SLC22A9: variants seen among roughly 807,000 people sequenced by gnomAD.
SLC22A9 encodes the protein solute carrier family 22 member 9.
A neutral mutation model predicts 50.1 loss-of-function variants in SLC22A9; 64 were observed. The ratio of observed to expected loss-of-function variants is 1.28; its 90% CI spans 1.04 to 1.57. The LOEUF (loss-of-function observed/expected upper bound fraction) is 1.57. Ranked by LOEUF, SLC22A9 falls within the 40% of genes most tolerant of loss-of-function variation. The pLI is 0.00. For missense variants in SLC22A9, 757 were observed against 676.1 expected (o/e 1.12, Z -1.33); for synonymous variants, 261 against 242.5 (o/e 1.08, Z -0.71).
chr11:63,381,835 A>G (rs2014567342), intron 5 of SLC22A9, among the ~76,000 whole-genome samples: 1 of 152,142 alleles, frequency 6.6e-6, no homozygotes, highest in Non-Finnish European at 1.5e-5. Flanking sequence ...CTATAATCCA[A>G]TATGGCCTTC....
At chr11:63,393,658 C>G (rs746933249) in intron 6 of SLC22A9, among the ~76,000 whole-genome samples, 1 of 152,010 alleles carries the variant, frequency 6.6e-6, no homozygotes, top group Non-Finnish European at 1.5e-5. Flanking sequence ...TTGTCAAGTG[C>G]TTTTCCTGCT....
chr11:63,408,808 CT>C lies in SLC22A9; in HGVS notation c.1533del (p.Phe511LeufsTer40). On this transcript the variant is annotated frameshift_variant, in exon 9 of 10. Transcript: ENST00000279178. LOFTEE classifies it high-confidence loss of function. ...IYGVFPFISG[F>X]AFLLLPETRN... ...ATGGAGTCTTCCCCTTCATCTCTGG[CT>C]TTGCTTTCCTCCTCCTTCCTGAAAC... 6.2e-7 allele frequency: 1 copy of C among 1,613,996 alleles called. No homozygotes were observed. The highest frequency in any genetic ancestry group is 8.5e-7 in the Non-Finnish European group (1 of 1,179,930).
intron 1 of SLC22A9, 81 bp from the exon 2 acceptor site, chr11:63,371,054 T>G: frequency 9.9e-7 from 1 of 1,006,476 alleles, no homozygotes; most frequent in Non-Finnish European, 1.5e-6. Context: ...ATTAGGAAAC[T>G]TGCAGATCAT....
chr11:63,395,595 A>T (rs557038355), intron 6 of SLC22A9, among the ~76,000 whole-genome samples: 1 of 152,142 alleles, frequency 6.6e-6, no homozygotes, highest in Non-Finnish European at 1.5e-5. Context: ...GGCCATGGAT[A>T]CCAGCACCTG....
At chr11:63,375,187 AAT>A (rs1360027616) in intron 4 of SLC22A9, among the ~76,000 whole-genome samples, 3 of 152,294 alleles carry the variant, frequency 2.0e-5, no homozygotes, top group Admixed American at 6.5e-5. Context: ...GTAACTTGTT[AAT>A]ATGTCCAGTT....
intron 7 of SLC22A9, 147 bp downstream of exon 7, chr11:63,406,858 T>C: frequency 2.2e-6 from 2 of 926,696 alleles, no homozygotes; most frequent in East Asian, 2.7e-5. Flanking sequence ...TTGGGACAGA[T>C]TCTGCCACAA....
chr11:63,370,590 T>TGAAAGAA, intron 1 of SLC22A9, 132 bp downstream of exon 1: 2 of 1,075,268 alleles, frequency 1.9e-6, no homozygotes, highest in Non-Finnish European at 2.6e-6. Flanking sequence ...TACTAATTGC[T>TGAAAGAA]TCTTTATTAA....
At chr11:63,383,630 C>T (rs531198264) in intron 6 of SLC22A9, among the ~76,000 whole-genome samples, 1 of 152,072 alleles carries the variant, frequency 6.6e-6, no homozygotes, top group South Asian at 2.1e-4. Flanking sequence ...CATGAAGAAA[C>T]AGAGAAACAT....
chr11:63,372,184 A>C, intron 2 of SLC22A9, among the ~76,000 whole-genome samples: 1 of 152,174 alleles, frequency 6.6e-6, no homozygotes. Context: ...GCTAAAGACG[A>C]AGGGACAAGA....
At chr11:63,386,163 CTT>C (rs1423736085) in intron 6 of SLC22A9, among the ~76,000 whole-genome samples, 11 of 152,042 alleles carry the variant, frequency 7.2e-5, no homozygotes, top group Non-Finnish European at 1.5e-5. Context: ...GGTTAATAAG[CTT>C]TTTTGTGTGC....
At chr11:63,398,880 G>A (rs2014906439) in intron 6 of SLC22A9, among the ~76,000 whole-genome samples, 1 of 152,252 alleles carries the variant, frequency 6.6e-6, no homozygotes, top group Non-Finnish European at 1.5e-5. Flanking sequence ...GATGACCTTA[G>A]AGGCTTCTAC....
chr11:63,408,677 G>A lies in SLC22A9; in HGVS notation c.1399G>A (p.Ala467Thr), dbSNP rs1169686948. 4 of 1,608,168 alleles carry A rather than the reference G, an allele frequency of 2.5e-6. No individual in the cohort carries two copies. The highest frequency in any genetic ancestry group is 1.1e-5 in the South Asian group (1 of 91,000). Residue 467 changes from alanine (A) to threonine (T), a missense_variant and splice_region_variant, in exon 9 of 10, where the codon GCA (alanine) becomes ACA (threonine). Coordinates refer to ENST00000279178, the MANE Select transcript of SLC22A9 (RefSeq NM_080866.3). ...TTGTATTGCTGTTTCCACTCAAAGG[G>A]CAAGAGCTATGGGGATCAATGCAAC... The part of the protein sequence containing the change: ...GNEVIPTIIR[A>T]RAMGINATFA...
intron 6 of SLC22A9, among the ~76,000 whole-genome samples, chr11:63,398,806 T>C (rs1388150654): frequency 2.6e-5 from 4 of 152,216 alleles, no homozygotes; most frequent in Non-Finnish European, 1.5e-5. Flanking sequence ...CACTTTATTT[T>C]TGGCTCTTAT....
Position 63,370,219 on chromosome 11 carries a change from G to A in SLC22A9, c.163G>A (p.Asp55Asn), listed in dbSNP as rs1462717440. 2 of 1,613,898 alleles carry A rather than the reference G, an allele frequency of 1.2e-6. No homozygotes were observed. The highest frequency in any genetic ancestry group is 1.3e-5 in the African/African-American group (1 of 74,898). ...PGHRCWVHIL[D>N]NDTVSDNDTG... is the part of the protein sequence containing the mutation. The stretch of plus-strand genomic sequence containing the variant: ...CCATCGCTGCTGGGTCCACATCCTG[G>A]ACAATGACACTGTCTCTGACAATGA... Residue 55 changes from aspartate (D) to asparagine (N), a missense_variant, in exon 1 of 10, where the codon GAC becomes AAC. Coordinates refer to ENST00000279178, the MANE Select transcript of SLC22A9 (RefSeq NM_080866.3).
intron 7 of SLC22A9, among the ~76,000 whole-genome samples, chr11:63,407,582 G>A (rs1409209837): frequency 6.6e-6 from 1 of 151,992 alleles, no homozygotes; most frequent in Non-Finnish European, 1.5e-5. Context: ...TCCTCTTTTC[G>A]AGGTCCTTAT....
At chr11:63,400,657 C>A (rs2014937175) in intron 6 of SLC22A9, among the ~76,000 whole-genome samples, 1 of 152,086 alleles carries the variant, frequency 6.6e-6, no homozygotes, top group Non-Finnish European at 1.5e-5. Flanking sequence ...CTTCCAAACT[C>A]ATTTCACAAG....
chr11:63,408,284 T>C, intron 8 of SLC22A9, 64 bp downstream of exon 8: 4 of 1,302,324 alleles, frequency 3.1e-6, no homozygotes, highest in Non-Finnish European at 4.4e-6. Context: ...ATTGACACTT[T>C]TTGCGGGAAG....
chr11:63,398,278 C>T (rs896141479), intron 6 of SLC22A9, among the ~76,000 whole-genome samples: 1 of 152,096 alleles, frequency 6.6e-6, no homozygotes, highest in African/African-American at 2.4e-5. Context: ...ATTCTTCCCT[C>T]TCCTCTCCTC....
chr11:63,405,421 A>G (rs976514796), intron 6 of SLC22A9, among the ~76,000 whole-genome samples: 4 of 152,224 alleles, frequency 2.6e-5, no homozygotes, highest in Admixed American at 6.5e-5. Context: ...ATGAGACAAC[A>G]TAAAATTGTA....
Sources: allele counts gnomAD v4.1 joint callset (sites outside exome capture counted in the v4.1 genomes callset), GRCh38; gene constraint gnomAD v4.1.1; transcripts MANE v1.5; gene names NCBI Gene and HGNC (gene_info 2026-07-23, HGNC 2026-07-21).